The following CYRIA variants were observed in gnomAD, a reference collection of about 807,000 sequenced individuals.
CYRIA encodes the protein CYFIP related Rac1 interactor A.
In CYRIA, 15 loss-of-function variants were observed where a neutral mutation model predicts 43.9. That is an observed-to-expected ratio of 0.34 (90% CI 0.23 to 0.53). CYRIA has a LOEUF of 0.53. Ranked by LOEUF, CYRIA falls within the 20% of genes least tolerant of loss-of-function variation. The pLI is 0.94. For missense variants in CYRIA, 236 were observed against 394.2 expected, an observed-to-expected ratio of 0.60 and a Z score of 3.40; for synonymous variants, 117 against 136.0, an observed-to-expected ratio of 0.86 and a Z score of 0.97.
chr2:16,622,952 C>G (rs1669044392), intron 2 of CYRIA: 1 of 152,222 alleles, frequency 6.6e-6, no homozygotes, highest in Non-Finnish European at 1.5e-5. Context: ...CTGTCCTGTG[C>G]TTAGCTTCGT....
intron 2 of CYRIA, among the ~76,000 whole-genome samples, chr2:16,622,345 C>T (rs1429883475): frequency 1.3e-5 from 2 of 152,132 alleles, no homozygotes; most frequent in East Asian, 3.8e-4. Flanking sequence ...TGAGAAAAGG[C>T]TTCTATGGAT....
At chr2:16,605,056 A>C (rs536359415) in intron 2 of CYRIA, among the ~76,000 whole-genome samples, 1 of 152,304 alleles carries the variant, frequency 6.6e-6, no homozygotes, top group Admixed American at 6.5e-5. Context: ...GGTGTCCCTC[A>C]AAAGGGCTTG....
At chr2:16,605,267 C>A (rs941969683) in intron 2 of CYRIA, among the ~76,000 whole-genome samples, 19 of 152,162 alleles carry the variant, frequency 1.2e-4, no homozygotes, top group African/African-American at 4.3e-4. Flanking sequence ...ATCAATAGTA[C>A]AGCAGCAAAA....
intron 1 of CYRIA, among the ~76,000 whole-genome samples, chr2:16,644,701 G>C (rs979676173): frequency 2.0e-5 from 3 of 152,182 alleles, no homozygotes; most frequent in African/African-American, 7.2e-5. Context: ...TTCCTTGGAG[G>C]CCACACTTAG....
intron 3 of CYRIA, among the ~76,000 whole-genome samples, chr2:16,576,938 C>T (rs1222992473): frequency 1.3e-5 from 2 of 152,080 alleles, no homozygotes; most frequent in Non-Finnish European, 1.5e-5. Flanking sequence ...CTGCATGATT[C>T]CACTTACATG....
intron 2 of CYRIA, among the ~76,000 whole-genome samples, chr2:16,601,339 G>A (rs1668200022): frequency 6.6e-6 from 1 of 152,074 alleles, no homozygotes; most frequent in Admixed American, 6.6e-5. Flanking sequence ...AGTGTGAAGG[G>A]AACACAGAAT....
rs79979210 is a variant in CYRIA, at chr2:16,635,880, A to G, written c.-166-11861T>C. ...TTCGACACATTCAAAGCCACTTTTTAAAGACAATCCTTTTCTTCTCTGTAC... is the reference window on the plus strand; with the variant it reads ...TTCGACACATTCAAAGCCACTTTTTGAAGACAATCCTTTTCTTCTCTGTAC... On this transcript the variant is annotated intron_variant, in intron 1 of 11. Coordinates refer to ENST00000381323, the MANE Select transcript of CYRIA (RefSeq NM_030797.4). Among the ~76,000 whole-genome samples, 255 of 152,330 alleles carry G rather than the reference A, an allele frequency of 1.7e-3. 1 individual carries two copies. Among genetic ancestry groups the G allele is most frequent in the African/African-American group, 5.8e-3 (243 of 41,576 alleles).
intron 10 of CYRIA, among the ~76,000 whole-genome samples, chr2:16,555,374 A>G (rs1450144385): frequency 1.3e-5 from 2 of 152,026 alleles, no homozygotes; most frequent in Non-Finnish European, 2.9e-5. Flanking sequence ...GCAATTGTAC[A>G]TTTCACTTGC....
chr2:16,646,380 G>T (rs1489480643), intron 1 of CYRIA, among the ~76,000 whole-genome samples: 2 of 152,198 alleles, frequency 1.3e-5, no homozygotes, highest in Non-Finnish European at 2.9e-5. Flanking sequence ...CTTAAAGAAT[G>T]CTGCCTGTTT....
At chr2:16,564,149 A>C in intron 4 of CYRIA, 55 bp from the exon 5 acceptor site, 1 of 1,353,996 alleles carries the variant, frequency 7.4e-7, no homozygotes, top group African/African-American at 1.4e-5. Flanking sequence ...GCTCCACATC[A>C]AAATGCCCTA....
chr2:16,601,711 CAA>C (rs57235858), intron 2 of CYRIA, among the ~76,000 whole-genome samples: 40 of 123,604 alleles, frequency 3.2e-4, no homozygotes, highest in African/African-American at 5.4e-4. Flanking sequence ...TTTCCAGTTT[CAA>C]AAAAAAAAAA....
At chr2:16,627,035 A>G (rs1669191036) in intron 1 of CYRIA, among the ~76,000 whole-genome samples, 1 of 152,290 alleles carries the variant, frequency 6.6e-6, no homozygotes, top group African/African-American at 2.4e-5. Flanking sequence ...GAGTCTCAAA[A>G]CAGAACTAGG....
chr2:16,622,265 CTAACTTTGGGT>C (rs1304753900), intron 2 of CYRIA, among the ~76,000 whole-genome samples: 3 of 152,140 alleles, frequency 2.0e-5, no homozygotes, highest in African/African-American at 7.2e-5. Context: ...AGTAGTAGTT[CTAACTTTGGGT>C]ATGGCAGAGA....
chr2:16,571,350 C>A (rs11904303), intron 3 of CYRIA, among the ~76,000 whole-genome samples: 1 of 152,158 alleles, frequency 6.6e-6, no homozygotes, highest in Admixed American at 6.5e-5. Context: ...AACCAATGCA[C>A]GGCACTCCTT....
intron 3 of CYRIA, among the ~76,000 whole-genome samples, chr2:16,571,176 T>G (rs534995176): frequency 6.6e-6 from 1 of 152,314 alleles, no homozygotes; most frequent in East Asian, 1.9e-4. Flanking sequence ...GTGTCTAGAA[T>G]TTGCAATAGC....
chr2:16,622,508 C>G (rs1413187316), intron 2 of CYRIA, among the ~76,000 whole-genome samples: 2 of 152,146 alleles, frequency 1.3e-5, no homozygotes, highest in African/African-American at 4.8e-5. Context: ...TCAAGTAGCT[C>G]TAAAAAAGGG....
intron 3 of CYRIA, among the ~76,000 whole-genome samples, chr2:16,575,420 G>C (rs1211929313): frequency 6.6e-6 from 1 of 152,152 alleles, no homozygotes; most frequent in African/African-American, 2.4e-5. Flanking sequence ...TGATTTGGCT[G>C]TGTCCCCACC....
At chr2:16,646,246 C>T (rs144962066) in intron 1 of CYRIA, among the ~76,000 whole-genome samples, 1,908 of 152,312 alleles carry the variant, frequency 0.013, 16 homozygotes, top group Non-Finnish European at 0.018. Flanking sequence ...TCATCCTCCC[C>T]CACCAGGCCA....
At chr2:16,579,291 T>C (rs377625496) in intron 3 of CYRIA, among the ~76,000 whole-genome samples, 1 of 149,230 alleles carries the variant, frequency 6.7e-6, no homozygotes, top group Non-Finnish European at 1.5e-5. Flanking sequence ...AACATTAAAA[T>C]AAGTTTTTTA....
Sources: allele counts gnomAD v4.1 joint callset (sites outside exome capture counted in the v4.1 genomes callset), GRCh38; gene constraint gnomAD v4.1.1; transcripts MANE v1.5; gene names NCBI Gene and HGNC (gene_info 2026-07-23, HGNC 2026-07-21).